CHCHD3: variants seen among roughly 807,000 people sequenced by gnomAD.
CHCHD3 encodes MICOS complex subunit MIC19.
A neutral mutation model predicts 38.2 loss-of-function variants in CHCHD3; 20 were observed. The observed-to-expected ratio is 0.52, with a 90% CI of 0.37 to 0.76. The LOEUF (loss-of-function observed/expected upper bound fraction) is 0.76. Among genes scored for constraint, CHCHD3 ranks in the 30% least tolerant of loss-of-function variants. The pLI, the probability that CHCHD3 is intolerant of heterozygous loss-of-function variation, is 0.00. For missense variants in CHCHD3, 245 were observed against 279.2 expected (o/e 0.88, Z 0.87); for synonymous variants, 82 against 100.0 (o/e 0.82, Z 1.07).
At chr7:132,792,864 T>C (rs1261733745) in intron 7 of CHCHD3, among the ~76,000 whole-genome samples, 1 of 152,218 alleles carries the variant, frequency 6.6e-6, no homozygotes, top group Non-Finnish European at 1.5e-5. Context: ...AGCCAGCTTC[T>C]GCATTTTTCT....
intron 3 of CHCHD3, among the ~76,000 whole-genome samples, chr7:133,006,498 A>C (rs1479764488): frequency 8.9e-6 from 1 of 112,868 alleles, no homozygotes; most frequent in Non-Finnish European, 2.0e-5. Flanking sequence ...TAAATAAAAA[A>C]ATAAATAAAA....
chr7:132,855,180 TTA>T (rs1455105738), intron 5 of CHCHD3, among the ~76,000 whole-genome samples: 1 of 152,176 alleles, frequency 6.6e-6, no homozygotes, highest in East Asian at 1.9e-4. Context: ...GTTTAAAATA[TTA>T]TAGTTCTTTC....
At chr7:132,887,263 T>A (rs1250286516) in intron 4 of CHCHD3, among the ~76,000 whole-genome samples, 2 of 151,880 alleles carry the variant, frequency 1.3e-5, no homozygotes, top group Admixed American at 6.6e-5. Context: ...TAGATTAAAG[T>A]ACATTCATAT....
At chr7:132,912,375 A>G (rs1809973872) in intron 4 of CHCHD3, among the ~76,000 whole-genome samples, 1 of 152,212 alleles carries the variant, frequency 6.6e-6, no homozygotes, top group Admixed American at 6.5e-5. Context: ...GAAGACAGAT[A>G]AACTACTAGT....
intron 5 of CHCHD3, among the ~76,000 whole-genome samples, chr7:132,882,661 T>C (rs1487997295): frequency 6.6e-6 from 1 of 152,036 alleles, no homozygotes; most frequent in Admixed American, 6.6e-5. Flanking sequence ...CCAATCAAAT[T>C]GGTGAGTCTA....
intron 5 of CHCHD3, among the ~76,000 whole-genome samples, chr7:132,864,765 C>A (rs1401346004): frequency 6.6e-6 from 1 of 152,020 alleles, no homozygotes; most frequent in African/African-American, 2.4e-5. Flanking sequence ...AGATATGTAC[C>A]AATTTTTTAA....
intron 4 of CHCHD3, among the ~76,000 whole-genome samples, chr7:132,972,234 C>A (rs1418613495): frequency 6.6e-6 from 1 of 152,114 alleles, no homozygotes; most frequent in Non-Finnish European, 1.5e-5. Flanking sequence ...TGAAACACAA[C>A]CATTAAAATG....
At chr7:132,825,018 C>T (rs994412057) in intron 6 of CHCHD3, among the ~76,000 whole-genome samples, 8 of 152,278 alleles carry the variant, frequency 5.3e-5, no homozygotes, top group Middle Eastern at 3.4e-3. Flanking sequence ...AAATTTTTCA[C>T]GAACAAATCT....
chr7:132,928,901 G>A (rs766193524), intron 4 of CHCHD3, among the ~76,000 whole-genome samples: 16 of 151,866 alleles, frequency 1.1e-4, no homozygotes, highest in South Asian at 2.1e-4. Flanking sequence ...TTCTACCCTC[G>A]AACCTACTCC....
chr7:132,850,419 T>A (rs1808185517), intron 5 of CHCHD3, among the ~76,000 whole-genome samples: 1 of 150,912 alleles, frequency 6.6e-6, no homozygotes, highest in Non-Finnish European at 1.5e-5. Context: ...TTTAGAAACT[T>A]CATTAATTAG....
chr7:133,030,116 C>T (rs1203481811), intron 2 of CHCHD3, among the ~76,000 whole-genome samples: 1 of 151,466 alleles, frequency 6.6e-6, no homozygotes, highest in Non-Finnish European at 1.5e-5. Context: ...AAAATAAAAA[C>T]ATGACCTAGC....
intron 5 of CHCHD3, among the ~76,000 whole-genome samples, chr7:132,863,655 T>G (rs965209319): frequency 6.6e-6 from 1 of 152,260 alleles, no homozygotes; most frequent in Non-Finnish European, 1.5e-5. Context: ...CTTCTTCCGA[T>G]AGAAGGCTGT....
At chr7:132,985,794 C>A (rs1296227744) in intron 3 of CHCHD3, among the ~76,000 whole-genome samples, 1 of 102,338 alleles carries the variant, frequency 9.8e-6, no homozygotes, top group Admixed American at 1.0e-4. Context: ...GGGTCAGCCC[C>A]CCGCCCGGCC....
At chr7:133,041,302 T>C (rs1463568308) in intron 2 of CHCHD3, among the ~76,000 whole-genome samples, 6 of 152,214 alleles carry the variant, frequency 3.9e-5, no homozygotes, top group Admixed American at 1.3e-4. Context: ...CAAATCCCTA[T>C]ATAAATAACA....
chr7:132,843,528 A>C (rs1807995223), intron 5 of CHCHD3, among the ~76,000 whole-genome samples: 1 of 152,204 alleles, frequency 6.6e-6, no homozygotes, highest in South Asian at 2.1e-4. Context: ...AGGTACTCCA[A>C]ATTAGTGATT....
At chr7:132,916,671 C>T (rs1279215743) in intron 4 of CHCHD3, among the ~76,000 whole-genome samples, 4 of 152,172 alleles carry the variant, frequency 2.6e-5, no homozygotes, top group Admixed American at 1.3e-4. Flanking sequence ...GCCTCAACCT[C>T]CGGGGCTTCA....
At chr7:132,872,069 A>C (rs1248431170) in intron 5 of CHCHD3, among the ~76,000 whole-genome samples, 2 of 152,216 alleles carry the variant, frequency 1.3e-5, no homozygotes, top group Admixed American at 6.5e-5. Context: ...AGGAAGGTTA[A>C]AAGTACGGCT....
intron 2 of CHCHD3, chr7:133,051,945 G>C (rs999631034): frequency 6.6e-6 from 1 of 152,122 alleles, no homozygotes; most frequent in Non-Finnish European, 1.5e-5. Context: ...CCATCTGACA[G>C]ATAAGAACAC....
At chr7:132,905,943 C>A (rs750301261) in intron 4 of CHCHD3, among the ~76,000 whole-genome samples, 1 of 152,188 alleles carries the variant, frequency 6.6e-6, no homozygotes, top group South Asian at 2.1e-4. Context: ...ATAACCAAGA[C>A]ACGTAACTCA....
Sources: gnomAD v4.1 joint callset for allele counts (sites outside exome capture counted in the v4.1 genomes callset) on GRCh38, gnomAD v4.1.1 for gene constraint, MANE v1.5 for transcripts, NCBI Gene and HGNC (gene_info 2026-07-23, HGNC 2026-07-21) for gene names.